Variants in VAV2 observed in about 807,000 individuals in gnomAD.
The protein encoded by VAV2 is guanine nucleotide exchange factor VAV2.
Under a neutral mutation model 132.5 loss-of-function variants are expected in VAV2, and 67 were observed. The observed-to-expected ratio is 0.51, with a 90% CI of 0.42 to 0.62. VAV2 has a LOEUF of 0.62. VAV2 is among the 20% of genes least tolerant of loss of function. The pLI is 0.00. For synonymous variants in VAV2, 492 were observed against 443.5 expected (o/e 1.11, Z -1.37); for missense variants, 938 against 1,153.6 (o/e 0.81, Z 2.71).
chr9:133,838,999 G>T (rs914345258), intron 3 of VAV2, among the ~76,000 whole-genome samples: 16 of 150,276 alleles, frequency 1.1e-4, no homozygotes, highest in Admixed American at 1.3e-4. Flanking sequence ...TGGATGGGTG[G>T]GTAGATGGAT....
intron 3 of VAV2, among the ~76,000 whole-genome samples, chr9:133,860,856 A>T (rs1455966466): frequency 6.6e-6 from 1 of 152,164 alleles, no homozygotes; most frequent in Non-Finnish European, 1.5e-5. Flanking sequence ...AGGAGGCCAG[A>T]TCACAGGGGT....
chr9:133,782,225 TTTC>T (rs1834036959), intron 19 of VAV2, among the ~76,000 whole-genome samples: 1 of 152,214 alleles, frequency 6.6e-6, no homozygotes, highest in African/African-American at 2.4e-5. Context: ...TAAAATTTCA[TTTC>T]TTTTTTTTTC....
At chr9:133,819,860 G>T (rs1835716475) in intron 4 of VAV2, among the ~76,000 whole-genome samples, 1 of 152,128 alleles carries the variant, frequency 6.6e-6, no homozygotes, top group Admixed American at 6.6e-5. Flanking sequence ...ATGAGAGAGG[G>T]AGAAATAAAG....
intron 1 of VAV2, among the ~76,000 whole-genome samples, chr9:133,988,249 C>T (rs1842916538): frequency 2.0e-5 from 3 of 151,420 alleles, no homozygotes; most frequent in South Asian, 4.2e-4. Flanking sequence ...CCTGCCACCC[C>T]ATGAAAAGAG....
In VAV2 at chr9:133,812,059, G is replaced by A. The variant is rs571210269; in HGVS notation, c.552+55C>T. The A allele has an allele frequency of 2.5e-6, 4 of 1,569,008 alleles. No individual in the cohort carries two copies. In the East Asian group the frequency reaches 9.0e-5, roughly 35 times the overall value. ...TCGGTATTGTGTTAAGCAAGGGCCA[G>A]GCTGCTCTGCGAGGGAAGGGAGGGG... On this transcript the variant is annotated intron_variant, in intron 5 of 29. Coordinates refer to ENST00000371850, the MANE Select transcript of VAV2 (RefSeq NM_001134398.2).
chr9:133,812,059 G>GGCT (rs1179334869), intron 5 of VAV2, 55 bp downstream of exon 5: 15 of 1,568,890 alleles, frequency 9.6e-6, no homozygotes, highest in Non-Finnish European at 1.3e-5. Context: ...GCAAGGGCCA[G>GGCT]GCTGCTCTGC....
At chr9:133,780,609 C>G (rs1588164531) in intron 20 of VAV2, 85 bp downstream of exon 20, 5 of 1,278,352 alleles carry the variant, frequency 3.9e-6, no homozygotes, top group Middle Eastern at 2.1e-4. Context: ...TGGTGAAAGG[C>G]AGACAATTGG....
intron 2 of VAV2, among the ~76,000 whole-genome samples, chr9:133,901,739 G>A (rs973259026): frequency 5.3e-5 from 8 of 152,200 alleles, no homozygotes; most frequent in African/African-American, 1.9e-4. Context: ...TTCCCCCACT[G>A]TTCTGACACC....
At position 133,829,480 on chromosome 9, in the gene VAV2, A is replaced by C. The variant is rs374348287; in HGVS notation, c.449+4792T>G. On this transcript the variant is annotated intron_variant, in intron 4 of 29. Transcript: ENST00000371850. ...GTGGCTGTCCGGCTCACAACATGAC[A>C]AGCTGCAGTGACCTGCGCCCAAGTG... 3.0e-4 allele frequency among the ~76,000 whole-genome samples: 46 copies of C among 152,348 alleles called. 2 individuals are homozygous for C. In the East Asian group the frequency reaches 5.0e-3, roughly 17 times the overall value.
At chr9:133,901,447 T>C (rs909731407) in intron 2 of VAV2, among the ~76,000 whole-genome samples, 3 of 152,226 alleles carry the variant, frequency 2.0e-5, no homozygotes, top group African/African-American at 7.2e-5. Flanking sequence ...GGATCCAGCA[T>C]GGCCTGTGGT....
rs1384701691 is a variant in VAV2, at chr9:133,879,506, C to A, written c.322-18074G>T. On this transcript the variant is annotated intron_variant, in intron 2 of 29. Coordinates refer to ENST00000371850, the MANE Select transcript of VAV2 (RefSeq NM_001134398.2). The surrounding 1 kb of genome is among the most constrained non-coding windows in gnomAD (Gnocchi z 4.4). ...GAGGCTCACCATAAATGTGGGCAAG[C>A]CTCCTATAAGAAGGCATCGATCAGT... 2.0e-5 allele frequency among the ~76,000 whole-genome samples: 3 copies of A among 152,144 alleles called. No homozygotes were observed. The highest frequency in any genetic ancestry group is 2.9e-5 in the Non-Finnish European group (2 of 68,030).
At chr9:133,968,210 C>A (rs763986906) in intron 1 of VAV2, among the ~76,000 whole-genome samples, 6 of 151,948 alleles carry the variant, frequency 3.9e-5, no homozygotes, top group Non-Finnish European at 5.9e-5. Context: ...TGAAATGTTC[C>A]CAACACAAAG....
intron 4 of VAV2, among the ~76,000 whole-genome samples, chr9:133,818,996 T>C (rs62576523): frequency 0.2 from 29,979 of 151,910 alleles, 3,556 homozygotes; most frequent in African/African-American, 0.33. Flanking sequence ...GTGCCTGCCT[T>C]GGCCTCCCAA....
At position 133,840,376 on chromosome 9, in the gene VAV2, G is replaced by A. The variant is rs968734572; in HGVS notation, c.381-6036C>T. Among the ~76,000 whole-genome samples the A allele has an allele frequency of 5.3e-5, 8 of 151,866 alleles. No individual in the cohort carries two copies. Among genetic ancestry groups the A allele is most frequent in the African/African-American group, 1.9e-4 (8 of 41,338 alleles). ...TGGGCAGCAGCCCCTCCTCCCAAAC[G>A]ACCCATCCAATCCCACTCCCCAAGC... On this transcript the variant is annotated intron_variant, in intron 3 of 29. Transcript: ENST00000371850. This position sits in a 1 kb window ranked among gnomAD's most constrained non-coding sequence, Gnocchi z 4.5.
At chr9:133,973,073 C>G (rs577866973) in intron 1 of VAV2, among the ~76,000 whole-genome samples, 1 of 152,122 alleles carries the variant, frequency 6.6e-6, no homozygotes, top group East Asian at 1.9e-4. Context: ...AAGGAATCCC[C>G]AGGGAGCCCT....
Position 133,926,495 on chromosome 9 carries a change from T to TAGGGCTCTCTGGC in VAV2, c.321+12595_321+12607dup. On this transcript the variant is annotated intron_variant, in intron 2 of 29. Coordinates refer to ENST00000371850, the MANE Select transcript of VAV2 (RefSeq NM_001134398.2). This position sits in a 1 kb window ranked among gnomAD's most constrained non-coding sequence, Gnocchi z 4.3. ...AGGATAGCACCCCAAATCTCTCTGG[T>TAGGGCTCTCTGGC]AGGGCTCTCTGGCACTGCCCTAGCT... 1.3e-5 allele frequency among the ~76,000 whole-genome samples: 2 copies of TAGGGCTCTCTGGC among 152,170 alleles called. No homozygotes were observed. The highest frequency in any genetic ancestry group is 1.3e-4 in the Admixed American group (2 of 15,290).
At chr9:133,913,821 G>A (rs568367518) in intron 2 of VAV2, among the ~76,000 whole-genome samples, 1 of 152,350 alleles carries the variant, frequency 6.6e-6, no homozygotes, top group South Asian at 2.1e-4. Context: ...GCCATTGGGG[G>A]CAGCCATGGT....
At chr9:133,940,704 T>C (rs562601861) in intron 1 of VAV2, among the ~76,000 whole-genome samples, 55 of 151,560 alleles carry the variant, frequency 3.6e-4, no homozygotes, top group African/African-American at 8.5e-4. Context: ...TGTGTGTGTG[T>C]GTGTTTCTGA....
chr9:133,825,530 C>T (rs1487744756), intron 4 of VAV2, among the ~76,000 whole-genome samples: 3 of 152,148 alleles, frequency 2.0e-5, no homozygotes, highest in Non-Finnish European at 1.5e-5. Flanking sequence ...CATAAGGTGT[C>T]CCAAACCCAG....
Sources: gnomAD v4.1 joint callset for allele counts (sites outside exome capture counted in the v4.1 genomes callset) on GRCh38, gnomAD v4.1.1 for gene constraint, Gnocchi (gnomAD v3.1) non-coding constraint, MANE v1.5 for transcripts, NCBI Gene and HGNC (gene_info 2026-07-23, HGNC 2026-07-21) for gene names.